DMD: variants seen among roughly 807,000 people sequenced by gnomAD.
The protein encoded by DMD is mutant dystrophin.
Under a neutral mutation model 330.1 loss-of-function variants are expected in DMD, and 63 were observed. The ratio of observed to expected loss-of-function variants is 0.19; its 90% CI spans 0.16 to 0.24. The LOEUF is 0.24. Ranked by LOEUF, DMD falls within the 10% of genes least tolerant of loss-of-function variation. The probability of loss-of-function intolerance (pLI) is 1.00; values close to 1 mark genes in which losing one functional copy is unlikely to be tolerated. For missense variants in DMD, 3,344 were observed against 2,684.1 expected (o/e 1.25, Z -5.43); for synonymous variants, 1,223 against 959.8 (o/e 1.27, Z -5.07).
intron 7 of DMD, among the ~76,000 whole-genome samples, chrX:32,723,331 T>C (rs2066526491): frequency 2.7e-5 from 3 of 111,512 alleles, no homozygotes; most frequent in South Asian, 7.5e-4. Context: ...TAATACTTTA[T>C]TGAGGACTTT....
At chrX:33,007,085 ATC>A (rs1446670634) in intron 2 of DMD, among the ~76,000 whole-genome samples, 2 of 110,590 alleles carry the variant, frequency 1.8e-5, no homozygotes, top group Non-Finnish European at 3.8e-5. Flanking sequence ...CCTCTAACTC[ATC>A]TCTCTACTTC....
chrX:32,884,101 T>C (rs1438948046), intron 2 of DMD, among the ~76,000 whole-genome samples: 1 of 110,840 alleles, frequency 9.0e-6, no homozygotes, highest in African/African-American at 3.3e-5. Flanking sequence ...ATATTCCCAA[T>C]GTCCCCTATA....
At chrX:32,468,100 T>TTA (rs1322597403) in intron 23 of DMD, among the ~76,000 whole-genome samples, 1 of 110,257 alleles carries the variant, frequency 9.1e-6, no homozygotes, top group Non-Finnish European at 1.9e-5. Flanking sequence ...ATACTATACA[T>TTA]TATATATATA....
rs201484289 is a variant in DMD, at chrX:32,245,037, A to G, written c.6291-27974T>C. 9.4e-4 allele frequency among the ~76,000 whole-genome samples: 64 copies of G among 68,336 alleles called. 1 individual carries two copies. The highest frequency in any genetic ancestry group is 5.7e-4 in the Non-Finnish European group (22 of 38,701). 59.3% of individuals were successfully genotyped at this position (68,336 alleles called of 115,157 possible). The stretch of plus-strand genomic sequence containing the variant: ...TGTTTTGGACATGAAGTCCTTGCCC[A>G]TGCCTATGTCCTGAATGGTAATGCC... On this transcript the variant is annotated intron_variant, in intron 43 of 78. Transcript: ENST00000357033.
chrX:32,609,700 A>G (rs1387695371), intron 12 of DMD, among the ~76,000 whole-genome samples: 1 of 111,513 alleles, frequency 9.0e-6, no homozygotes, highest in Non-Finnish European at 1.9e-5. Context: ...AACCTTCAAG[A>G]AAAGGATAGG....
intron 1 of DMD, among the ~76,000 whole-genome samples, chrX:33,155,108 G>A (rs1205750214): frequency 1.8e-5 from 2 of 111,236 alleles, no homozygotes; most frequent in Non-Finnish European, 3.8e-5. Flanking sequence ...CCTGATTTGT[G>A]GCTAATAACA....
intron 59 of DMD, among the ~76,000 whole-genome samples, chrX:31,453,227 T>C (rs1302848140): frequency 9.0e-6 from 1 of 111,050 alleles, no homozygotes; most frequent in Non-Finnish European, 1.9e-5. Context: ...GTGATCTCGA[T>C]CTCAGCTCAC....
intron 55 of DMD, among the ~76,000 whole-genome samples, chrX:31,614,667 T>A (rs1334323400): frequency 8.9e-6 from 1 of 112,141 alleles, no homozygotes; most frequent in Non-Finnish European, 1.9e-5. Context: ...TAACCAGGCG[T>A]AATGACTTCT....
intron 9 of DMD, among the ~76,000 whole-genome samples, chrX:32,652,542 G>A (rs2060239580): frequency 1.8e-5 from 2 of 110,496 alleles, no homozygotes; most frequent in African/African-American, 6.6e-5. Context: ...ATCATCGATG[G>A]ACATTTGGGT....
At chrX:32,486,129 T>A (rs2042440333) in intron 20 of DMD, among the ~76,000 whole-genome samples, 1 of 110,702 alleles carries the variant, frequency 9.0e-6, no homozygotes, top group Non-Finnish European at 1.9e-5. Context: ...TCACTCTCAG[T>A]AGTACCCTGG....
intron 1 of DMD, among the ~76,000 whole-genome samples, chrX:33,289,092 C>T (rs2053476282): frequency 9.0e-6 from 1 of 111,073 alleles, no homozygotes; most frequent in East Asian, 2.8e-4. Context: ...CTTGCAACAA[C>T]AAAATATAGT....
intron 1 of DMD, among the ~76,000 whole-genome samples, chrX:33,306,697 A>C (rs1156401677): frequency 9.0e-6 from 1 of 111,164 alleles, no homozygotes; most frequent in Admixed American, 9.6e-5. Context: ...CATGTTGGAA[A>C]GTGAGTCTGG....
At position 31,931,263 on chromosome X, in the gene DMD, C is replaced by T. The variant is rs2094848780; in HGVS notation, c.6762+817G>A. Among the ~76,000 whole-genome samples, 3 of 110,220 alleles carry T rather than the reference C, an allele frequency of 2.7e-5. No individual in the cohort carries two copies. In the South Asian group the frequency reaches 1.2e-3, roughly 42 times the overall value. On this transcript the variant is annotated intron_variant, in intron 46 of 78. Coordinates refer to ENST00000357033, the MANE Select transcript of DMD (RefSeq NM_004006.3). Reference sequence around the variant, plus strand: ...AATGATTAAATATTAATTTCTCTTCCCCTTTCACCTTCTGCTTGACAACTA... The same window carrying T: ...AATGATTAAATATTAATTTCTCTTCTCCTTTCACCTTCTGCTTGACAACTA...
At chrX:32,251,254 T>C (rs1020829897) in intron 43 of DMD, among the ~76,000 whole-genome samples, 11 of 111,278 alleles carry the variant, frequency 9.9e-5, no homozygotes, top group Non-Finnish European at 2.1e-4. Context: ...CAGTCTCTCT[T>C]TAGGTTATTG....
intron 4 of DMD, among the ~76,000 whole-genome samples, chrX:32,824,753 C>T (rs1160055449): frequency 7.1e-5 from 8 of 112,027 alleles, no homozygotes; most frequent in Non-Finnish European, 1.3e-4. Context: ...CATATGCATG[C>T]ACACATACAC....
intron 1 of DMD, among the ~76,000 whole-genome samples, chrX:33,087,299 T>C (rs748501790): frequency 8.9e-6 from 1 of 112,412 alleles, no homozygotes; most frequent in Admixed American, 9.4e-5. Context: ...AAAAAAGCAA[T>C]AAAATTATTA....
intron 7 of DMD, among the ~76,000 whole-genome samples, chrX:32,699,657 G>A (rs1177406408): frequency 9.0e-6 from 1 of 111,513 alleles, no homozygotes. Context: ...ATATTAACAT[G>A]TCAATTCAAA....
chrX:33,079,293 T>G (rs1295150972), intron 1 of DMD, among the ~76,000 whole-genome samples: 1 of 111,668 alleles, frequency 9.0e-6, no homozygotes, highest in Non-Finnish European at 1.9e-5. Flanking sequence ...ATTACAGGCA[T>G]GAGCCACCAT....
At chrX:32,349,397 T>C (rs894015091) in intron 37 of DMD, among the ~76,000 whole-genome samples, 1 of 111,653 alleles carries the variant, frequency 9.0e-6, no homozygotes, top group Admixed American at 9.6e-5. Context: ...ATATTTTATA[T>C]GGGATAGCTC....
Sources: allele counts gnomAD v4.1 joint callset (sites outside exome capture counted in the v4.1 genomes callset), GRCh38; gene constraint gnomAD v4.1.1; transcripts MANE v1.5; gene names NCBI Gene and HGNC (gene_info 2026-07-23, HGNC 2026-07-21).